RUNX1: variants seen among roughly 807,000 people sequenced by gnomAD.
RUNX1 encodes RUNX family transcription factor 1.
RUNX1 carries 19 observed loss-of-function variants against 42.8 expected under a neutral mutation model. The ratio of observed to expected loss-of-function variants is 0.44; its 90% CI spans 0.31 to 0.65. RUNX1 has a LOEUF of 0.65. RUNX1 is among the 30% of genes least tolerant of loss of function. The pLI, the probability that RUNX1 is intolerant of heterozygous loss-of-function variation, is 0.07. For synonymous variants in RUNX1, 271 were observed against 289.4 expected, an observed-to-expected ratio of 0.94 and a Z score of 0.64; for missense variants, 528 against 672.0, an observed-to-expected ratio of 0.79 and a Z score of 2.37.
intron 2 of RUNX1, among the ~76,000 whole-genome samples, chr21:35,008,629 C>T (rs1209185179): frequency 6.6e-6 from 1 of 152,226 alleles, no homozygotes; most frequent in Non-Finnish European, 1.5e-5. Context: ...AGTATATTTG[C>T]TGAATGTGCA....
At chr21:34,833,773 T>C (rs2057098997) in intron 7 of RUNX1, 1 of 194,118 alleles carries the variant, frequency 5.2e-6, no homozygotes. Context: ...GAACTTCTTG[T>C]ATTATCTAAT....
intron 2 of RUNX1, among the ~76,000 whole-genome samples, chr21:34,952,518 C>T (rs534685907): frequency 2.9e-4 from 44 of 152,212 alleles, no homozygotes; most frequent in African/African-American, 8.4e-4. Flanking sequence ...GTGATAATGT[C>T]TGGCATGGAA....
In RUNX1 at chr21:34,792,367, T is replaced by C. The variant is rs2056454191; in HGVS notation, c.1211A>G (p.His404Arg). 1 of 1,543,990 alleles carries C rather than the reference T, an allele frequency of 6.5e-7. No homozygotes were observed. The highest frequency in any genetic ancestry group is 8.7e-7 in the Non-Finnish European group (1 of 1,143,070). The stretch of plus-strand genomic sequence containing the variant: ...GCCGGCCGAGGCGCCGTAGTACAGG[T>C]GGTAGGAGGGCGAGCTGGCTTGGAA... ...GPFQASSPSY[H>R]LYYGASAGSY... Residue 404 changes from histidine to arginine, a missense_variant, in exon 9 of 9, where the codon CAC (histidine) becomes CGC (arginine). By Grantham distance (29) the His-to-Arg change is conservative (BLOSUM62 0). Coordinates refer to ENST00000675419, the MANE Select transcript of RUNX1 (RefSeq NM_001754.5). This position sits in a 1 kb window ranked among gnomAD's most constrained non-coding sequence, Gnocchi z 6.9.
At position 34,792,668 on chromosome 21, in the gene RUNX1, C is replaced by T. The variant is rs1343003714; in HGVS notation, c.968-58G>A. On this transcript the variant is annotated intron_variant, in intron 8 of 8. Transcript: ENST00000675419. The surrounding 1 kb of genome is among the most constrained non-coding windows in gnomAD (Gnocchi z 6.9). Reference sequence around the variant, plus strand: ...GAGTAGGAGGTTGCGGAGGCCACAGCTCTTCCCTCTGCCCCAGGGGGCTAC... The same window carrying T: ...GAGTAGGAGGTTGCGGAGGCCACAGTTCTTCCCTCTGCCCCAGGGGGCTAC... The T allele has an allele frequency of 4.1e-6, 6 of 1,468,098 alleles. No homozygotes were observed. Among genetic ancestry groups the T allele is most frequent in the African/African-American group, 1.4e-5 (1 of 71,824 alleles). 90.9% of individuals were successfully genotyped at this position (1,468,098 alleles called of 1,614,324 possible).
intron 7 of RUNX1, chr21:34,821,541 C>T: frequency 6.5e-7 from 1 of 1,527,426 alleles, no homozygotes; most frequent in South Asian, 1.2e-5. Flanking sequence ...GACCCACATT[C>T]TGCCTTCCTC....
At chr21:34,802,232 G>C (rs1892605) in intron 7 of RUNX1, among the ~76,000 whole-genome samples, 3,276 of 152,332 alleles carry the variant, frequency 0.022, 49 homozygotes, top group African/African-American at 0.046. Flanking sequence ...ATTCTCCAGA[G>C]CACAGGGCTA....
intron 2 of RUNX1, among the ~76,000 whole-genome samples, chr21:34,968,890 G>A (rs977302850): frequency 6.6e-6 from 1 of 152,092 alleles, no homozygotes; most frequent in East Asian, 1.9e-4. Flanking sequence ...GGAGACCTAC[G>A]TGGTTCTACA....
chr21:34,954,516 C>T (rs1176286588), intron 2 of RUNX1, among the ~76,000 whole-genome samples: 4 of 152,144 alleles, frequency 2.6e-5, no homozygotes, highest in Non-Finnish European at 5.9e-5. Context: ...TGACTTCTCC[C>T]TCTGGTGTTC....
intron 2 of RUNX1, among the ~76,000 whole-genome samples, chr21:34,911,663 C>A (rs1161081022): frequency 6.6e-6 from 1 of 152,170 alleles, no homozygotes; most frequent in African/African-American, 2.4e-5. Flanking sequence ...CTCCTCCACC[C>A]AAACTCCTTG....
chr21:34,876,637 T>C (rs1216067416), intron 5 of RUNX1, among the ~76,000 whole-genome samples: 3 of 152,136 alleles, frequency 2.0e-5, no homozygotes, highest in Non-Finnish European at 4.4e-5. Flanking sequence ...CCCCAAAGAT[T>C]AAAAATCATA....
intron 7 of RUNX1, among the ~76,000 whole-genome samples, chr21:34,812,920 C>T (rs940924125): frequency 6.6e-6 from 1 of 152,044 alleles, no homozygotes; most frequent in Non-Finnish European, 1.5e-5. Context: ...AGAGGGATGA[C>T]CTATGGAAGA....
chr21:34,907,200 G>C lies in RUNX1; in HGVS notation c.59-14237C>G, dbSNP rs989115184. Among the ~76,000 whole-genome samples, 1 of 152,150 alleles carries C rather than the reference G, an allele frequency of 6.6e-6. No individual in the cohort carries two copies. Among genetic ancestry groups the C allele is most frequent in the African/African-American group, 2.4e-5 (1 of 41,420 alleles). On this transcript the variant is annotated intron_variant, in intron 2 of 8. Coordinates refer to ENST00000675419, the MANE Select transcript of RUNX1 (RefSeq NM_001754.5). This position sits in a 1 kb window ranked among gnomAD's most constrained non-coding sequence, Gnocchi z 5.3. ...CTTGACAGCAAGAAAACCTAAACAG[G>C]AGAATCCCACTTAGCATCTGCCCAC...
At chr21:34,822,395 T>A (rs1299935872) in intron 7 of RUNX1, among the ~76,000 whole-genome samples, 1 of 152,244 alleles carries the variant, frequency 6.6e-6, no homozygotes, top group Admixed American at 6.5e-5. Context: ...TCAGTAAACA[T>A]GTGAACCAGG....
chr21:34,994,497 A>G (rs1406660028), intron 2 of RUNX1, among the ~76,000 whole-genome samples: 9 of 152,102 alleles, frequency 5.9e-5, no homozygotes, highest in African/African-American at 2.2e-4. Context: ...TTGCATGCCT[A>G]TATCAAAACA....
At chr21:34,988,183 G>A (rs772620738) in intron 2 of RUNX1, among the ~76,000 whole-genome samples, 2 of 152,180 alleles carry the variant, frequency 1.3e-5, no homozygotes, top group Non-Finnish European at 2.9e-5. Context: ...TAAGGTAGAG[G>A]AGGGGTGCCA....
chr21:34,851,654 A>T (rs2057420682), intron 6 of RUNX1, among the ~76,000 whole-genome samples: 1 of 152,132 alleles, frequency 6.6e-6, no homozygotes, highest in Admixed American at 6.5e-5. Context: ...ATTAGTTTAG[A>T]TCCTGACCTC....
In RUNX1 at chr21:35,023,702, G is replaced by T; in HGVS notation, c.58+25140C>A. Among the ~76,000 whole-genome samples, 2 of 152,150 alleles carry T rather than the reference G, an allele frequency of 1.3e-5. 1 individual carries two copies. The highest frequency in any genetic ancestry group is 3.8e-4 in the East Asian group (2 of 5,198). ...GCATCTGGATAAAGACAGGACTGGA[G>T]CCTGAGGGTGGGAAATGAAAGGGGG... On this transcript the variant is annotated intron_variant, in intron 2 of 8. Transcript: ENST00000675419.
intron 2 of RUNX1, among the ~76,000 whole-genome samples, chr21:35,046,906 C>T (rs572850593): frequency 9.9e-5 from 15 of 152,212 alleles, no homozygotes; most frequent in East Asian, 5.8e-4. Flanking sequence ...ACACTGCCTC[C>T]GTGAAAGCTA....
rs1310943509 is a variant in RUNX1, at chr21:34,792,345, G to C, written c.1233C>G (p.Ala411=). 5 of 1,552,860 alleles carry C rather than the reference G, an allele frequency of 3.2e-6. No individual in the cohort carries two copies. The highest frequency in any genetic ancestry group is 4.4e-6 in the Non-Finnish European group (5 of 1,148,408). ...PSYHLYYGAS[A]GSYQFSMVGG... ...CCACCATGGAGAACTGGTAGGAGCC[G>C]GCCGAGGCGCCGTAGTACAGGTGGT... Residue 411 remains alanine, a synonymous_variant, in exon 9 of 9, where the codon GCC becomes GCG. Transcript: ENST00000675419. This position sits in a 1 kb window ranked among gnomAD's most constrained non-coding sequence, Gnocchi z 6.9.
Sources: allele counts gnomAD v4.1 joint callset (sites outside exome capture counted in the v4.1 genomes callset), GRCh38; gene constraint gnomAD v4.1.1; non-coding constraint Gnocchi (gnomAD v3.1); transcripts MANE v1.5; gene names NCBI Gene and HGNC (gene_info 2026-07-23, HGNC 2026-07-21).